The following CACNA2D3 variants were observed in gnomAD, a reference collection of about 807,000 sequenced individuals.
CACNA2D3 encodes voltage-dependent calcium channel subunit alpha-2/delta-3.
Under a neutral mutation model 160.6 loss-of-function variants are expected in CACNA2D3, and 60 were observed. The observed-to-expected ratio is 0.37, with a 90% CI of 0.30 to 0.46. The LOEUF (loss-of-function observed/expected upper bound fraction) is 0.46, where lower values mean the gene tolerates loss of function less well. Among genes scored for constraint, CACNA2D3 ranks in the 20% least tolerant of loss-of-function variants. CACNA2D3 has a pLI of 1.00. For missense variants in CACNA2D3, 1,205 were observed against 1,365.0 expected (o/e 0.88, Z 1.85); for synonymous variants, 558 against 492.9 (o/e 1.13, Z -1.75).
At chr3:54,898,827 C>A (rs1700260640) in intron 26 of CACNA2D3, among the ~76,000 whole-genome samples, 1 of 152,150 alleles carries the variant, frequency 6.6e-6, no homozygotes, top group African/African-American at 2.4e-5. Context: ...GATGACGTAA[C>A]ATCTTAGGAC....
intron 5 of CACNA2D3, among the ~76,000 whole-genome samples, chr3:54,521,164 C>T (rs1038335428): frequency 1.3e-5 from 2 of 152,134 alleles, no homozygotes; most frequent in Non-Finnish European, 2.9e-5. Flanking sequence ...CTGTGTTTTA[C>T]TGTTTGAAAA....
intron 27 of CACNA2D3, among the ~76,000 whole-genome samples, chr3:54,906,253 G>A (rs562760351): frequency 6.6e-6 from 1 of 152,242 alleles, no homozygotes; most frequent in South Asian, 2.1e-4. Flanking sequence ...GAAGAAGGAA[G>A]GAAGGAAGGA....
chr3:54,400,148 C>T (rs976172814), intron 4 of CACNA2D3, among the ~76,000 whole-genome samples: 6 of 146,102 alleles, frequency 4.1e-5, no homozygotes, highest in Non-Finnish European at 6.0e-5. Context: ...ATGCCTCGCC[C>T]TGCTTCGGCT....
chr3:54,573,626 G>T (rs1217669830), intron 8 of CACNA2D3, among the ~76,000 whole-genome samples: 1 of 152,180 alleles, frequency 6.6e-6, no homozygotes, highest in Non-Finnish European at 1.5e-5. Context: ...TTTTTGCAAG[G>T]TTGGGTGTGC....
chr3:54,158,079 A>G (rs918679279), intron 2 of CACNA2D3, among the ~76,000 whole-genome samples: 4 of 152,146 alleles, frequency 2.6e-5, no homozygotes, highest in African/African-American at 7.2e-5. Context: ...GTTGCCTGTA[A>G]TCTCTGGCCT....
At chr3:54,950,956 G>T (rs1054562642) in intron 27 of CACNA2D3, among the ~76,000 whole-genome samples, 1 of 152,158 alleles carries the variant, frequency 6.6e-6, no homozygotes, top group Non-Finnish European at 1.5e-5. Flanking sequence ...GGAAACTGAA[G>T]CCAGGACAGT....
intron 5 of CACNA2D3, among the ~76,000 whole-genome samples, chr3:54,527,794 A>G (rs1348392134): frequency 2.0e-5 from 3 of 152,134 alleles, no homozygotes; most frequent in Non-Finnish European, 2.9e-5. Context: ...GCCTAGAGTG[A>G]GTTTGTGTCT....
intron 3 of CACNA2D3, among the ~76,000 whole-genome samples, chr3:54,323,307 G>A (rs996974143): frequency 1.3e-5 from 2 of 152,144 alleles, no homozygotes; most frequent in African/African-American, 4.8e-5. Context: ...AAGACCTCAG[G>A]TTCAAATTTG....
chr3:54,143,510 A>G (rs9816264), intron 2 of CACNA2D3, among the ~76,000 whole-genome samples: 32,569 of 152,016 alleles, frequency 0.21, 3,536 homozygotes, highest in South Asian at 0.25. Flanking sequence ...TTTTATTTTT[A>G]TATTTTTGAG....
chr3:54,542,674 C>T (rs1452877582), intron 5 of CACNA2D3, among the ~76,000 whole-genome samples: 1 of 152,146 alleles, frequency 6.6e-6, no homozygotes, highest in Middle Eastern at 3.4e-3. Context: ...TCCACCTTCT[C>T]CTGCTTGGTT....
At chr3:54,970,500 CCCCTCCTCTCCCCTCCCCTCCTCTCCTA>C (rs1702249232) in intron 29 of CACNA2D3, among the ~76,000 whole-genome samples, 1 of 1,412 alleles carries the variant, frequency 7.1e-4, no homozygotes. Context: ...CCCCTCCCCT[CCCCTCCTCTCCCCTCCCCTCCTCTCCTA>C]TCCTTTCTTC....
chr3:54,807,873 C>G (rs1393818627), intron 13 of CACNA2D3, among the ~76,000 whole-genome samples: 2 of 148,942 alleles, frequency 1.3e-5, no homozygotes, highest in Non-Finnish European at 3.0e-5. Flanking sequence ...TACTATGCAG[C>G]CATAAAAAAT....
At chr3:55,068,492 G>A (rs926658173) in intron 35 of CACNA2D3, among the ~76,000 whole-genome samples, 1 of 152,146 alleles carries the variant, frequency 6.6e-6, no homozygotes, top group African/African-American at 2.4e-5. Context: ...GGTCACTTAA[G>A]TGCTATCTAT....
intron 2 of CACNA2D3, among the ~76,000 whole-genome samples, chr3:54,149,267 G>GCGCACACA (rs111927276): frequency 6.2e-5 from 9 of 144,328 alleles, no homozygotes; most frequent in South Asian, 2.3e-4. Flanking sequence ...GGTCCCATGT[G>GCGCACACA]CACACACACA....
At chr3:55,011,249 G>C (rs1392672365) in intron 34 of CACNA2D3, among the ~76,000 whole-genome samples, 1 of 152,186 alleles carries the variant, frequency 6.6e-6, no homozygotes, top group Non-Finnish European at 1.5e-5. Context: ...CAGGGCCCCT[G>C]TGTGCTGCTT....
intron 4 of CACNA2D3, among the ~76,000 whole-genome samples, chr3:54,493,876 A>C (rs1038349885): frequency 2.6e-5 from 4 of 152,234 alleles, no homozygotes; most frequent in Non-Finnish European, 5.9e-5. Flanking sequence ...GAAGAGCTGC[A>C]ACAAAGACTC....
At chr3:54,254,473 TC>T in intron 2 of CACNA2D3, among the ~76,000 whole-genome samples, 1 of 152,208 alleles carries the variant, frequency 6.6e-6, no homozygotes. Context: ...AATGCAATCT[TC>T]CAGTAGCTTC....
intron 17 of CACNA2D3, among the ~76,000 whole-genome samples, chr3:54,852,778 C>T (rs1699085608): frequency 6.6e-6 from 1 of 152,172 alleles, no homozygotes; most frequent in African/African-American, 2.4e-5. Flanking sequence ...GGACATCCCC[C>T]ATGGACACAT....
intron 2 of CACNA2D3, among the ~76,000 whole-genome samples, chr3:54,242,978 A>G (rs1216552038): frequency 1.3e-5 from 2 of 152,240 alleles, no homozygotes; most frequent in Non-Finnish European, 2.9e-5. Context: ...AATATGGAAA[A>G]GCTCTGTAGA....
Sources: gnomAD v4.1 joint callset for allele counts (sites outside exome capture counted in the v4.1 genomes callset) on GRCh38, gnomAD v4.1.1 for gene constraint, MANE v1.5 for transcripts, NCBI Gene and HGNC (gene_info 2026-07-23, HGNC 2026-07-21) for gene names.